STK32C: variants seen among roughly 807,000 people sequenced by gnomAD.
STK32C encodes serine/threonine-protein kinase 32C.
A neutral mutation model predicts 56.5 loss-of-function variants in STK32C; 31 were observed. That is an observed-to-expected ratio of 0.55 (90% CI 0.41 to 0.74). The LOEUF (loss-of-function observed/expected upper bound fraction) is 0.74. Ranked by LOEUF, STK32C falls within the 30% of genes least tolerant of loss-of-function variation. STK32C has a pLI of 0.00. For missense variants in STK32C, 544 were observed against 676.9 expected (o/e 0.80, Z 2.18); for synonymous variants, 309 against 289.4 (o/e 1.07, Z -0.69).
intron 1 of STK32C, among the ~76,000 whole-genome samples, chr10:132,326,274 C>T (rs968400438): frequency 1.3e-5 from 2 of 152,148 alleles, no homozygotes; most frequent in Non-Finnish European, 2.9e-5. Flanking sequence ...TGTGATATTA[C>T]GCCAGAGTCA....
chr10:132,218,690 G>A (rs1309635226), intron 10 of STK32C, among the ~76,000 whole-genome samples: 2 of 152,284 alleles, frequency 1.3e-5, no homozygotes, highest in East Asian at 3.9e-4. Flanking sequence ...GCGGGTTCAT[G>A]CCTAGGTATG....
chr10:132,228,698 T>C (rs1004561019), intron 2 of STK32C, among the ~76,000 whole-genome samples: 3 of 152,118 alleles, frequency 2.0e-5, no homozygotes, highest in African/African-American at 7.2e-5. Flanking sequence ...TACTGGGGAA[T>C]GAATGCGAAA....
downstream of STK32C, among the ~76,000 whole-genome samples, chr10:132,319,442 T>C (rs776010310): frequency 2.0e-5 from 3 of 152,250 alleles, no homozygotes; most frequent in Non-Finnish European, 4.4e-5. Context: ...GTCCATCATC[T>C]GGTGAACAGA....
chr10:132,237,437 T>C (rs552430815), intron 2 of STK32C, among the ~76,000 whole-genome samples: 4 of 152,358 alleles, frequency 2.6e-5, no homozygotes, highest in Non-Finnish European at 4.4e-5. Context: ...GAAACAGCTA[T>C]TTTAAGGCAT....
At position 132,209,119 on chromosome 10, in the gene STK32C, C is replaced by T. The variant is rs2062204926; in HGVS notation, c.1252-18G>A. 1 of 1,612,088 alleles carries T rather than the reference C, an allele frequency of 6.2e-7. No homozygotes were observed. Among genetic ancestry groups the T allele is most frequent in the Admixed American group, 1.7e-5 (1 of 60,018 alleles). ...TCATTCTCCTGTGGATGGAAAGGCA[C>T]ACGTGAGCGTGGGGGACGCTGTCCA... On this transcript the variant is annotated intron_variant, in intron 10 of 11. Transcript: ENST00000298630.
intron 1 of STK32C, among the ~76,000 whole-genome samples, chr10:132,304,803 C>T (rs987073256): frequency 1.3e-5 from 2 of 152,244 alleles, no homozygotes; most frequent in African/African-American, 4.8e-5. Flanking sequence ...GGCCCGGCGC[C>T]CAGGGCGGGC....
At chr10:132,266,212 G>A (rs550623312) in intron 1 of STK32C, among the ~76,000 whole-genome samples, 8 of 152,336 alleles carry the variant, frequency 5.3e-5, no homozygotes, top group East Asian at 1.9e-4. Flanking sequence ...GTTACATTGA[G>A]GGAAAGAAGC....
intron 1 of STK32C, among the ~76,000 whole-genome samples, chr10:132,325,978 C>T (rs55731932): frequency 0.27 from 40,651 of 152,030 alleles, 5,887 homozygotes; most frequent in East Asian, 0.37. Context: ...GCCTTGGCTT[C>T]CCAAAGTGCT....
At chr10:132,222,178 C>A (rs2062697929) in intron 10 of STK32C, among the ~76,000 whole-genome samples, 2 of 146,308 alleles carry the variant, frequency 1.4e-5, no homozygotes, top group Non-Finnish European at 3.0e-5. Context: ...GCACACACAA[C>A]CAAAGCCAGC....
intron 2 of STK32C, among the ~76,000 whole-genome samples, chr10:132,244,481 G>A (rs973227807): frequency 6.6e-6 from 1 of 152,184 alleles, no homozygotes; most frequent in East Asian, 1.9e-4. Context: ...GGGCAACAGG[G>A]GCAATGGGGA....
At chr10:132,297,419 C>T (rs1294481197) in intron 1 of STK32C, among the ~76,000 whole-genome samples, 2 of 152,202 alleles carry the variant, frequency 1.3e-5, no homozygotes, top group African/African-American at 4.8e-5. Context: ...CAATTCCCAG[C>T]CCCACCAGGG....
intron 1 of STK32C, among the ~76,000 whole-genome samples, chr10:132,303,890 T>C (rs1357706450): frequency 1.3e-5 from 2 of 152,170 alleles, no homozygotes; most frequent in African/African-American, 4.8e-5. Context: ...TCTGGTTCTC[T>C]CCCCTGCAGG....
intron 1 of STK32C, among the ~76,000 whole-genome samples, chr10:132,297,416 C>T (rs753400001): frequency 6.6e-6 from 1 of 152,202 alleles, no homozygotes; most frequent in Non-Finnish European, 1.5e-5. Flanking sequence ...CTACAATTCC[C>T]AGCCCCACCA....
chr10:132,262,009 A>C (rs1045643937), intron 1 of STK32C, among the ~76,000 whole-genome samples: 1 of 152,186 alleles, frequency 6.6e-6, no homozygotes, highest in African/African-American at 2.4e-5. Context: ...AAAAAGAACA[A>C]AGCTGGGGGC....
chr10:132,330,450 C>T (rs2066635922), intron 1 of STK32C: 2 of 717,054 alleles, frequency 2.8e-6, no homozygotes, highest in Middle Eastern at 2.3e-4. Context: ...GGCCTCCCCA[C>T]GCTCCTGAGA....
chr10:132,209,179 G>A (rs373313593), intron 10 of STK32C, 78 bp from the exon 11 acceptor site: 163 of 1,375,954 alleles, frequency 1.2e-4, no homozygotes, highest in Middle Eastern at 7.1e-4. Context: ...GAGTGTCTGG[G>A]CATCCCCATC....
rs138151710 is a variant in STK32C at position 132,264,434 on chromosome 10, G to A, written c.263-18479C>T. ...AGCTGGGAGTAGGCGTTAGGTGGGC[G>A]GGACGCACAGGGAGCTGGGGACCTT... On this transcript the variant is annotated intron_variant, in intron 1 of 11. Coordinates refer to ENST00000298630, the MANE Select transcript of STK32C (RefSeq NM_173575.4). Among the ~76,000 whole-genome samples the A allele has an allele frequency of 7.6e-4, 115 of 152,304 alleles. 1 individual carries two copies. In the East Asian group the frequency reaches 0.016, roughly 21 times the overall value.
chr10:132,239,688 GGCA>G (rs1001084824), intron 2 of STK32C, among the ~76,000 whole-genome samples: 1 of 152,248 alleles, frequency 6.6e-6, no homozygotes, highest in African/African-American at 2.4e-5. Context: ...CCGGGAGCCC[GGCA>G]GCAGGCCAGC....
At chr10:132,256,768 C>T (rs2064138988) in intron 1 of STK32C, among the ~76,000 whole-genome samples, 2 of 152,228 alleles carry the variant, frequency 1.3e-5, no homozygotes, top group African/African-American at 4.8e-5. Flanking sequence ...ACTCCAAGGC[C>T]GCCTGGCCCT....
Sources: gnomAD v4.1 joint callset for allele counts (sites outside exome capture counted in the v4.1 genomes callset) on GRCh38, gnomAD v4.1.1 for gene constraint, MANE v1.5 for transcripts, NCBI Gene and HGNC (gene_info 2026-07-23, HGNC 2026-07-21) for gene names.